The following PCDHGA4 variants were observed in gnomAD, a reference collection of about 807,000 sequenced individuals.
The protein encoded by PCDHGA4 is protocadherin gamma subfamily A, 4, also known as protocadherin gamma-A4.
Under a neutral mutation model 54.6 loss-of-function variants are expected in PCDHGA4, and 38 were observed. That is an observed-to-expected ratio of 0.70 (90% CI 0.54 to 0.91). PCDHGA4 has a LOEUF of 0.91. Ranked by LOEUF, PCDHGA4 falls within the 40% of genes least tolerant of loss-of-function variation. PCDHGA4 has a pLI of 0.00. For synonymous variants in PCDHGA4, 511 were observed against 512.9 expected (o/e 1.00, Z 0.05); for missense variants, 1,298 against 1,220.9 (o/e 1.06, Z -0.94).
At chr5:141,442,445 T>A (rs2098325574) in intron 1 of PCDHGA4, 1 of 152,198 alleles carries the variant, frequency 6.6e-6, no homozygotes, top group South Asian at 2.1e-4. Flanking sequence ...CCCTCAGGAC[T>A]CAATAGCAGT....
intron 3 of PCDHGA4, among the ~76,000 whole-genome samples, chr5:141,510,375 G>A (rs980966602): frequency 3.4e-5 from 5 of 148,132 alleles, no homozygotes; most frequent in East Asian, 2.0e-4. Context: ...ATCTCTACTC[G>A]TGCCAGGCCT....
chr5:141,446,482 C>A (rs961785845), intron 1 of PCDHGA4, among the ~76,000 whole-genome samples: 2 of 146,988 alleles, frequency 1.4e-5, no homozygotes, highest in Non-Finnish European at 3.0e-5. Flanking sequence ...GGTCATCATT[C>A]TTTTTTTTTT....
Position 141,431,151 on chromosome 5 carries a change from C to T in PCDHGA4, c.2515-63656C>T, listed in dbSNP as rs764416448. The T allele has an allele frequency of 6.2e-7, 1 of 1,614,126 alleles. No individual in the cohort carries two copies. Among genetic ancestry groups the T allele is most frequent in the African/African-American group, 1.3e-5 (1 of 74,954 alleles). On this transcript the variant is annotated intron_variant, in intron 1 of 3. Coordinates refer to ENST00000571252, the MANE Select transcript of PCDHGA4 (RefSeq NM_018917.4). The surrounding 1 kb of genome is among the most constrained non-coding windows in gnomAD (Gnocchi z 4.8). ...GTAAGGGACATTAACGACAATGCGC[C>T]TTACTTTCGTGAAAGTGAATTAGAA...
chr5:141,372,210 T>C lies in PCDHGA4; in HGVS notation c.2514+14589T>C, dbSNP rs763593596. ...CTCGGGATACAACGCCTGGCTGTCC[T>C]ACCACATTGTGCAGGCCAGCGAGCC... On this transcript the variant is annotated intron_variant, in intron 1 of 3. Transcript: ENST00000571252. The C allele has an allele frequency of 2.0e-5, 33 of 1,613,456 alleles. No homozygotes were observed. In the South Asian group the frequency reaches 2.9e-4, roughly 14 times the overall value.
At chr5:141,422,488 A>G in intron 1 of PCDHGA4, 1 of 1,614,000 alleles carries the variant, frequency 6.2e-7, no homozygotes, top group Non-Finnish European at 8.5e-7. Context: ...GAGCTACAAT[A>G]TAACGTTGAC....
chr5:141,356,480 AG>A lies in PCDHGA4; in HGVS notation c.1376del (p.Gly459GlufsTer15). 6.2e-7 allele frequency: 1 copy of A among 1,613,992 alleles called. No individual in the cohort carries two copies. Among genetic ancestry groups the A allele is most frequent in the South Asian group, 1.1e-5 (1 of 91,086 alleles). ...AACATCACTGTAACTGCCACTGACCAGGGAACTCCTCCACTGTCTACAGAAA... is the reference window on the plus strand; with the variant it reads ...AACATCACTGTAACTGCCACTGACCAGGAACTCCTCCACTGTCTACAGAAA... ...EYNITVTATD[Q>X]GTPPLSTETH... On this transcript the variant is annotated frameshift_variant, in exon 1 of 4. Transcript: ENST00000571252. LOFTEE classifies it high-confidence loss of function.
chr5:141,364,176 C>T, intron 1 of PCDHGA4: 2 of 835,076 alleles, frequency 2.4e-6, no homozygotes, highest in East Asian at 6.0e-5. Context: ...CGACTCTGCT[C>T]CCTCCATACT....
At chr5:141,419,761 C>A in intron 1 of PCDHGA4, 1 of 1,614,008 alleles carries the variant, frequency 6.2e-7, no homozygotes, top group South Asian at 1.1e-5. Context: ...CTTTGGGTGA[C>A]AAGGACTCGG....
chr5:141,356,894 C>T lies in PCDHGA4; in HGVS notation c.1787C>T (p.Pro596Leu), dbSNP rs777988497. ...GACAATGTCCCTGAGATCCTGTACC[C>T]CACCTTCCCTACTGATGGCTCCACT... is the stretch of plus-strand genomic sequence containing the variant. ...QNDNVPEILYPTFPTDGSTGV... is the reference protein window; with the variant it reads ...QNDNVPEILYLTFPTDGSTGV... The change falls in exon 1 of 4, where the codon CCC becomes CTC. Residue 596 changes from proline to leucine, a missense_variant. Coordinates refer to ENST00000571252, the MANE Select transcript of PCDHGA4 (RefSeq NM_018917.4). 1 of 1,614,096 alleles carries T rather than the reference C, an allele frequency of 6.2e-7. No homozygotes were observed. The highest frequency in any genetic ancestry group is 1.3e-5 in the African/African-American group (1 of 74,922).
chr5:141,458,619 G>T (rs1393941674), intron 1 of PCDHGA4, among the ~76,000 whole-genome samples: 1 of 152,080 alleles, frequency 6.6e-6, no homozygotes, highest in South Asian at 2.1e-4. Context: ...AGCCAGGCTG[G>T]AGTGCAGTGG....
At chr5:141,460,368 G>A (rs1005554535) in intron 1 of PCDHGA4, among the ~76,000 whole-genome samples, 1 of 152,050 alleles carries the variant, frequency 6.6e-6, no homozygotes. Context: ...AAGTTTTATA[G>A]TTTTACCATT....
chr5:141,408,526 T>C, intron 1 of PCDHGA4: 3 of 1,614,028 alleles, frequency 1.9e-6, no homozygotes, highest in Non-Finnish European at 2.5e-6. Flanking sequence ...AATTGGAAGC[T>C]GTGGTGGAAA....
At chr5:141,444,492 T>C (rs1052885639) in intron 1 of PCDHGA4, among the ~76,000 whole-genome samples, 1 of 152,122 alleles carries the variant, frequency 6.6e-6, no homozygotes, top group East Asian at 1.9e-4. Context: ...TTATATTGTG[T>C]AATACTTTGC....
At chr5:141,423,427 G>T (rs2096739583) in intron 1 of PCDHGA4, 1 of 1,613,892 alleles carries the variant, frequency 6.2e-7, no homozygotes, top group Non-Finnish European at 8.5e-7. Flanking sequence ...AGGCGGGTTG[G>T]CAGGTATGCC....
chr5:141,385,388 G>A (rs757763221), intron 1 of PCDHGA4: 1 of 1,507,708 alleles, frequency 6.6e-7, no homozygotes, highest in Non-Finnish European at 8.8e-7. Context: ...CTATTATTTT[G>A]CAAAACAAAT....
chr5:141,444,640 G>A (rs192148868), intron 1 of PCDHGA4, among the ~76,000 whole-genome samples: 3 of 152,196 alleles, frequency 2.0e-5, no homozygotes, highest in Non-Finnish European at 2.9e-5. Flanking sequence ...GTTCATTGAG[G>A]TAGGGGTTGA....
chr5:141,390,212 C>T (rs2150413972), intron 1 of PCDHGA4: 1 of 1,614,058 alleles, frequency 6.2e-7, no homozygotes, highest in African/African-American at 1.3e-5. Flanking sequence ...CAGGACAAGA[C>T]ATACTTTGCG....
chr5:141,418,016 G>C (rs772945671), intron 1 of PCDHGA4: 1 of 1,613,968 alleles, frequency 6.2e-7, no homozygotes, highest in Non-Finnish European at 8.5e-7. Context: ...CCTCGCTAAG[G>C]ATCTAGGGCT....
Position 141,477,964 on chromosome 5 carries a change from G to T in PCDHGA4, c.2515-16843G>T, listed in dbSNP as rs2099426491. On this transcript the variant is annotated intron_variant, in intron 1 of 3. Coordinates refer to ENST00000571252, the MANE Select transcript of PCDHGA4 (RefSeq NM_018917.4). The surrounding 1 kb of genome is among the most constrained non-coding windows in gnomAD (Gnocchi z 4.9). Reference sequence around the variant, plus strand: ...ACAGTCTCTTGGGATCCCCTAACCAGAGCCTTTTTGCCATAGGGCTGCACA... The same window carrying T: ...ACAGTCTCTTGGGATCCCCTAACCATAGCCTTTTTGCCATAGGGCTGCACA... 6.2e-7 allele frequency: 1 copy of T among 1,613,978 alleles called. No homozygotes were observed. The highest frequency in any genetic ancestry group is 1.1e-5 in the South Asian group (1 of 91,080).
Sources: allele counts gnomAD v4.1 joint callset (sites outside exome capture counted in the v4.1 genomes callset), GRCh38; gene constraint gnomAD v4.1.1; non-coding constraint Gnocchi (gnomAD v3.1); transcripts MANE v1.5; gene names NCBI Gene and HGNC (gene_info 2026-07-23, HGNC 2026-07-21).